The following FAM83A variants were observed in gnomAD, a reference collection of about 807,000 sequenced individuals.
FAM83A encodes scaffolding CK1 anchoring protein A.
In FAM83A, 21 loss-of-function variants were observed where a neutral mutation model predicts 24.4. That is an observed-to-expected ratio of 0.86 (90% confidence interval 0.61 to 1.24). The LOEUF (loss-of-function observed/expected upper bound fraction) is 1.24, where lower values mean the gene tolerates loss of function less well. FAM83A is among the 50% of genes most tolerant of loss of function. The pLI is 0.00. For synonymous variants in FAM83A, 270 were observed against 252.4 expected, an observed-to-expected ratio of 1.07 and a Z score of -0.66; for missense variants, 617 against 579.8, an observed-to-expected ratio of 1.06 and a Z score of -0.66.
At chr8:123,205,797 G>A (rs1824531352) in intron 3 of FAM83A, among the ~76,000 whole-genome samples, 1 of 152,090 alleles carries the variant, frequency 6.6e-6, no homozygotes, top group Non-Finnish European at 1.5e-5. Flanking sequence ...TTGAGGGGGC[G>A]GGGGGAGAAA....
At position 123,200,799 on chromosome 8, in the gene FAM83A, C is replaced by T. The variant is rs535704769; in HGVS notation, c.774-6358C>T. Among the ~76,000 whole-genome samples, 9 of 151,908 alleles carry T rather than the reference C, an allele frequency of 5.9e-5. No homozygotes were observed. In the East Asian group the frequency reaches 1.7e-3, roughly 29 times the overall value. ...CAAAACCCTGTCTCTACTAAAAATA[C>T]AAAAAATTAGCCAGATGTGGTGGTG... On this transcript the variant is annotated intron_variant, in intron 3 of 3. Coordinates refer to ENST00000690554, the Ensembl canonical transcript of FAM83A.
intron 1 of FAM83A, 123 bp downstream of exon 1, chr8:123,183,459 G>A: frequency 2.1e-6 from 3 of 1,420,942 alleles, no homozygotes; most frequent in Non-Finnish European, 2.8e-6. Context: ...GGCTTCGGAT[G>A]GAGGGGCTTT....
At chr8:123,202,429 C>T (rs1824394074) in intron 3 of FAM83A, 1 of 153,266 alleles carries the variant, frequency 6.5e-6, no homozygotes, top group Non-Finnish European at 1.5e-5. Context: ...GATCACCACC[C>T]CGAGCCCTCT....
upstream of FAM83A, chr8:123,179,969 A>T (rs972198454): frequency 6.6e-6 from 1 of 152,210 alleles, no homozygotes; most frequent in Non-Finnish European, 1.5e-5. Context: ...TGTGAGTAGA[A>T]AGGGAAGGGG....
At chr8:123,200,724 C>T (rs1051680139) in intron 3 of FAM83A, among the ~76,000 whole-genome samples, 6 of 151,966 alleles carry the variant, frequency 3.9e-5, no homozygotes, top group African/African-American at 1.2e-4. Flanking sequence ...GAGGCCGAGG[C>T]GGGTGAATCA....
At chr8:123,183,054 G>T in exon 1 of FAM83A, 1 of 1,613,048 alleles carries the variant, frequency 6.2e-7, no homozygotes, top group Non-Finnish European at 8.5e-7. Flanking sequence ...TGTCCTCGGT[G>T]GAGGCCCAGT....
chr8:123,208,668 A>C (rs1484083847), exon 4 of FAM83A: 2 of 985,356 alleles, frequency 2.0e-6, no homozygotes, highest in Non-Finnish European at 2.4e-6. Flanking sequence ...GGCACAGCCT[A>C]GCTGAGTGCA....
chr8:123,182,712 G>A, exon 1 of FAM83A: 1 of 1,180,352 alleles, frequency 8.5e-7, no homozygotes, highest in South Asian at 1.3e-5. Context: ...TCACTTCTTG[G>A]AGGTGCCCTG....
chr8:123,205,754 G>A (rs1332693001), intron 3 of FAM83A, among the ~76,000 whole-genome samples: 1 of 152,146 alleles, frequency 6.6e-6, no homozygotes, highest in Non-Finnish European at 1.5e-5. Flanking sequence ...TGCTGCTCTC[G>A]GGAGGTCTAT....
At chr8:123,185,467 C>T (rs980069827) in intron 1 of FAM83A, among the ~76,000 whole-genome samples, 1 of 152,236 alleles carries the variant, frequency 6.6e-6, no homozygotes, top group Admixed American at 6.5e-5. Context: ...CTTCTGCATC[C>T]ACCTCTAGGA....
upstream of FAM83A, chr8:123,181,818 C>G: frequency 3.0e-6 from 1 of 334,348 alleles, no homozygotes; most frequent in Non-Finnish European, 6.0e-6. Flanking sequence ...CCACTTCTCT[C>G]TGTACTTCTC....
intron 3 of FAM83A, among the ~76,000 whole-genome samples, chr8:123,197,097 T>C (rs34029872): frequency 0.26 from 39,616 of 151,946 alleles, 5,474 homozygotes; most frequent in African/African-American, 0.36. Flanking sequence ...CCTGAGCCAG[T>C]TACCTGTGGC....
exon 1 of FAM83A, chr8:123,182,960 C>T (rs199747294): frequency 6.2e-7 from 1 of 1,608,442 alleles, no homozygotes; most frequent in Non-Finnish European, 8.5e-7. Context: ...AACGAGAGTG[C>T]CCGGCTGGCC....
At chr8:123,205,390 G>T (rs955609842) in intron 3 of FAM83A, among the ~76,000 whole-genome samples, 11 of 152,194 alleles carry the variant, frequency 7.2e-5, no homozygotes, top group African/African-American at 2.4e-4. Context: ...CTTGCCTCCT[G>T]TCCCGTGGCG....
chr8:123,191,734 A>G, intron 1 of FAM83A, 69 bp from the exon 2 acceptor site: 1 of 1,548,686 alleles, frequency 6.5e-7, no homozygotes, highest in Non-Finnish European at 8.8e-7. Flanking sequence ...GGACTCAGGC[A>G]GTTTGGGTGA....
At chr8:123,181,758 G>T (rs1823604148), upstream of FAM83A, 1 of 307,340 alleles carries the variant, frequency 3.3e-6, no homozygotes, top group East Asian at 7.7e-5. Context: ...GCAGTGGCCT[G>T]CTCCTCAACT....
chr8:123,208,525 C>G, exon 4 of FAM83A: 2 of 985,502 alleles, frequency 2.0e-6, no homozygotes, highest in South Asian at 9.4e-5. Flanking sequence ...CTCAGCTGTC[C>G]CCAGATCCAG....
At chr8:123,198,807 G>T (rs1009089810) in intron 3 of FAM83A, among the ~76,000 whole-genome samples, 1 of 151,972 alleles carries the variant, frequency 6.6e-6, no homozygotes, top group Admixed American at 6.6e-5. Flanking sequence ...GCGTGATCTC[G>T]GCTCACTGCA....
chr8:123,204,740 G>A (rs1482024057), intron 3 of FAM83A, among the ~76,000 whole-genome samples: 1 of 151,592 alleles, frequency 6.6e-6, no homozygotes, highest in Non-Finnish European at 1.5e-5. Flanking sequence ...CAGCCTGGAC[G>A]ACAGAGCCAG....
Sources: allele counts gnomAD v4.1 joint callset (sites outside exome capture counted in the v4.1 genomes callset), GRCh38; gene constraint gnomAD v4.1.1; transcripts MANE v1.5; gene names NCBI Gene and HGNC (gene_info 2026-07-23, HGNC 2026-07-21).